BLVRA: variants seen among roughly 807,000 people sequenced by gnomAD.
BLVRA encodes BVR A.
BLVRA carries 22 observed loss-of-function variants against 32.8 expected under a neutral mutation model. The ratio of observed to expected loss-of-function variants is 0.67; its 90% CI spans 0.48 to 0.96. The LOEUF (loss-of-function observed/expected upper bound fraction) is 0.96. Ranked by LOEUF, BLVRA falls within the 40% of genes least tolerant of loss-of-function variation. The pLI is 0.00. For synonymous variants in BLVRA, 119 were observed against 141.3 expected, an observed-to-expected ratio of 0.84 and a Z score of 1.12; for missense variants, 323 against 358.1, an observed-to-expected ratio of 0.90 and a Z score of 0.79.
intron 5 of BLVRA, among the ~76,000 whole-genome samples, chr7:43,799,525 T>G (rs911722131): frequency 6.6e-6 from 1 of 152,186 alleles, no homozygotes; most frequent in Non-Finnish European, 1.5e-5. Context: ...TGGGCTGCAG[T>G]GCACTGGTAC....
chr7:43,777,815 C>T (rs1395536869), intron 2 of BLVRA, among the ~76,000 whole-genome samples: 1 of 152,210 alleles, frequency 6.6e-6, no homozygotes, highest in Non-Finnish European at 1.5e-5. Context: ...CACATAGTCC[C>T]ATATTTCTTG....
At chr7:43,799,659 A>G (rs1375763834) in intron 5 of BLVRA, among the ~76,000 whole-genome samples, 1 of 151,972 alleles carries the variant, frequency 6.6e-6, no homozygotes, top group Non-Finnish European at 1.5e-5. Flanking sequence ...TTTTTTGTAG[A>G]GGCCAGGTTT....
rs1328714610 is a variant in BLVRA, at chr7:43,787,984, C to T, written c.93C>T (p.His31=). Residue 31 remains histidine (H), a synonymous_variant, in exon 3 of 8, where the codon CAC becomes CAT. Transcript: ENST00000265523. The surrounding 1 kb of genome is among the most constrained non-coding windows in gnomAD (Gnocchi z 4.5). ...GGATGAGGGACTTGCGGAATCCACA[C>T]CCTTCCTCAGCGTTCCTGAACCTGA... The part of the protein sequence containing the change: ...SVRMRDLRNP[H]PSSAFLNLIG... 6.2e-7 allele frequency: 1 copy of T among 1,614,176 alleles called. No individual in the cohort carries two copies.
At chr7:43,772,723 A>G (rs849185) in intron 2 of BLVRA, among the ~76,000 whole-genome samples, 148,884 of 152,342 alleles carry the variant, frequency 0.98, 72,765 homozygotes, top group East Asian at 1. Context: ...GCAAGAAGGC[A>G]AAGTGCTGAG....
intron 5 of BLVRA, among the ~76,000 whole-genome samples, chr7:43,793,942 G>GAA (rs77958021): frequency 2.2e-5 from 3 of 139,154 alleles, no homozygotes; most frequent in South Asian, 4.9e-4. Flanking sequence ...TTAATTACAA[G>GAA]AAAAAAAAAA....
At chr7:43,768,775 G>T (rs1317097526) in intron 1 of BLVRA, among the ~76,000 whole-genome samples, 1 of 152,014 alleles carries the variant, frequency 6.6e-6, no homozygotes, top group African/African-American at 2.4e-5. Flanking sequence ...GCATCTCTGT[G>T]GGGCCTCCAG....
chr7:43,780,423 T>G (rs2095767599), intron 2 of BLVRA, among the ~76,000 whole-genome samples: 1 of 152,182 alleles, frequency 6.6e-6, no homozygotes, highest in South Asian at 2.1e-4. Context: ...GCTTGATGGC[T>G]CTAATGGTAA....
At chr7:43,799,210 C>T (rs557690168) in intron 5 of BLVRA, among the ~76,000 whole-genome samples, 72 of 152,164 alleles carry the variant, frequency 4.7e-4, no homozygotes, top group Non-Finnish European at 9.3e-4. Flanking sequence ...CCTCCTTGCT[C>T]CTGAGGTGCA....
chr7:43,806,697 G>A (rs1191958062), intron 7 of BLVRA, among the ~76,000 whole-genome samples: 3 of 151,584 alleles, frequency 2.0e-5, no homozygotes, highest in Admixed American at 6.6e-5. Context: ...GCAGTGGGTC[G>A]AGATTGCACC....
At chr7:43,775,396 A>C (rs999688044) in intron 2 of BLVRA, among the ~76,000 whole-genome samples, 1 of 152,206 alleles carries the variant, frequency 6.6e-6, no homozygotes, top group Non-Finnish European at 1.5e-5. Flanking sequence ...TATTGAGATA[A>C]TCATGTGGTT....
intron 6 of BLVRA, among the ~76,000 whole-genome samples, chr7:43,802,744 G>A (rs901094967): frequency 2.0e-5 from 3 of 152,222 alleles, no homozygotes; most frequent in East Asian, 1.9e-4. Context: ...CAAGCAGTCT[G>A]CCAGCCTTGG....
chr7:43,784,060 G>A (rs1585727157), intron 2 of BLVRA, among the ~76,000 whole-genome samples: 1 of 152,178 alleles, frequency 6.6e-6, no homozygotes, highest in Non-Finnish European at 1.5e-5. Context: ...CCAAGGGTGG[G>A]GGCGCAAGCT....
chr7:43,770,352 G>A (rs2095753161), intron 1 of BLVRA, among the ~76,000 whole-genome samples: 1 of 152,132 alleles, frequency 6.6e-6, no homozygotes, highest in Non-Finnish European at 1.5e-5. Flanking sequence ...CTGTTCTACT[G>A]TCATTCCAGT....
chr7:43,800,599 A>G (rs753568284), intron 6 of BLVRA, 27 bp downstream of exon 6: 8 of 1,588,046 alleles, frequency 5.0e-6, no homozygotes, highest in Middle Eastern at 3.5e-4. Flanking sequence ...ATCACAGGTC[A>G]CATGTGAGGT....
At chr7:43,760,498 A>T (rs1430249758) in intron 1 of BLVRA, among the ~76,000 whole-genome samples, 1 of 152,198 alleles carries the variant, frequency 6.6e-6, no homozygotes, top group African/African-American at 2.4e-5. Flanking sequence ...GACTCTGATG[A>T]CATGATCATA....
intron 5 of BLVRA, among the ~76,000 whole-genome samples, chr7:43,799,263 G>T (rs2095796148): frequency 6.6e-6 from 1 of 152,122 alleles, no homozygotes; most frequent in Admixed American, 6.5e-5. Context: ...GTGATGCTGG[G>T]TTAGACAAAG....
chr7:43,782,076 A>C (rs2095770397), intron 2 of BLVRA, among the ~76,000 whole-genome samples: 1 of 152,058 alleles, frequency 6.6e-6, no homozygotes, highest in African/African-American at 2.4e-5. Context: ...TCCTGCTTTG[A>C]CTGTAGCTGT....
chr7:43,773,216 C>T (rs1486855168), intron 2 of BLVRA, among the ~76,000 whole-genome samples: 1 of 151,752 alleles, frequency 6.6e-6, no homozygotes, highest in Admixed American at 6.6e-5. Flanking sequence ...TATACATGTG[C>T]CATGTTGGTG....
chr7:43,786,399 T>C (rs922749896), intron 2 of BLVRA, among the ~76,000 whole-genome samples: 4 of 152,200 alleles, frequency 2.6e-5, no homozygotes, highest in African/African-American at 9.7e-5. Context: ...TCAAAACTGA[T>C]AGAACTGAAA....
Sources: allele counts gnomAD v4.1 joint callset (sites outside exome capture counted in the v4.1 genomes callset), GRCh38; gene constraint gnomAD v4.1.1; non-coding constraint Gnocchi (gnomAD v3.1); transcripts MANE v1.5; gene names NCBI Gene and HGNC (gene_info 2026-07-23, HGNC 2026-07-21).